The following TLK1 variants were observed in gnomAD, a reference collection of about 807,000 sequenced individuals.
TLK1 encodes serine/threonine-protein kinase tousled-like 1.
In TLK1, 24 loss-of-function variants were observed where a neutral mutation model predicts 105.3. That is an observed-to-expected ratio of 0.23 (90% confidence interval 0.17 to 0.32). The LOEUF (loss-of-function observed/expected upper bound fraction) is 0.32, where lower values mean the gene tolerates loss of function less well. Among genes scored for constraint, TLK1 ranks in the 10% least tolerant of loss-of-function variants. The probability of loss-of-function intolerance (pLI) is 1.00; values close to 1 mark genes in which losing one functional copy is unlikely to be tolerated. For synonymous variants in TLK1, 321 were observed against 310.4 expected, an observed-to-expected ratio of 1.03 and a Z score of -0.36; for missense variants, 558 against 910.5, an observed-to-expected ratio of 0.61 and a Z score of 4.98.
At chr2:171,180,825 T>C (rs1692915470) in intron 1 of TLK1, among the ~76,000 whole-genome samples, 1 of 88,690 alleles carries the variant, frequency 1.1e-5, no homozygotes, top group African/African-American at 8.1e-5. Flanking sequence ...AGAGGATGCT[T>C]TTTTTTTTTT....
At chr2:171,227,313 T>G (rs776182707) in intron 1 of TLK1, among the ~76,000 whole-genome samples, 3 of 151,256 alleles carry the variant, frequency 2.0e-5, no homozygotes, top group Non-Finnish European at 4.4e-5. Context: ...ATGAGAAACT[T>G]CCTCCAGTTT....
At chr2:171,132,436 A>T (rs915411879) in intron 1 of TLK1, among the ~76,000 whole-genome samples, 8 of 152,152 alleles carry the variant, frequency 5.3e-5, no homozygotes, top group African/African-American at 1.4e-4. Context: ...AGAAACTCAT[A>T]AAGTTACTTA....
In TLK1 at chr2:170,991,686, C is replaced by T. The variant is rs1469829442; in HGVS notation, c.*2094G>A. ...CTCTAGGTCTATACTACTTAACTTA[C>T]TGAACCTCAAAGTTAGATTTACACA... On this transcript the variant is annotated 3_prime_UTR_variant, in exon 21 of 21. Coordinates refer to ENST00000431350, the MANE Select transcript of TLK1 (RefSeq NM_012290.5). The T allele has an allele frequency of 2.0e-5, 3 of 152,294 alleles. No individual in the cohort carries two copies. The East Asian group carries it at 5.8e-4, about 29-fold the overall frequency. 9.4% of individuals were successfully genotyped at this position (152,294 alleles called of 1,614,324 possible).
intron 11 of TLK1, among the ~76,000 whole-genome samples, chr2:171,043,740 C>CT (rs1575545591): frequency 1.3e-5 from 2 of 151,214 alleles, no homozygotes; most frequent in South Asian, 2.1e-4. Flanking sequence ...ACATACTTTG[C>CT]TTTTTTTTTC....
chr2:171,159,984 G>A (rs1208400893), intron 1 of TLK1, among the ~76,000 whole-genome samples: 1 of 152,138 alleles, frequency 6.6e-6, no homozygotes, highest in East Asian at 1.9e-4. Flanking sequence ...CGCGTCTGGG[G>A]GGAGGCTTCC....
intron 2 of TLK1, among the ~76,000 whole-genome samples, chr2:171,091,098 C>G (rs527975969): frequency 2.0e-5 from 3 of 152,324 alleles, no homozygotes; most frequent in African/African-American, 7.2e-5. Context: ...CAAAGCCATA[C>G]TCATTTCATT....
intron 1 of TLK1, among the ~76,000 whole-genome samples, chr2:171,229,402 A>T (rs1273394299): frequency 1.3e-5 from 2 of 152,088 alleles, no homozygotes; most frequent in Non-Finnish European, 2.9e-5. Flanking sequence ...ACTTGCATTC[A>T]CATATTCAAC....
upstream of TLK1, among the ~76,000 whole-genome samples, chr2:171,163,955 AG>A (rs774911835): frequency 3.3e-5 from 5 of 152,156 alleles, no homozygotes; most frequent in Non-Finnish European, 5.9e-5. Flanking sequence ...CAAACTCCTG[AG>A]CTCAGGCAGT....
intron 1 of TLK1, among the ~76,000 whole-genome samples, chr2:171,222,146 C>T (rs1693820785): frequency 6.6e-6 from 1 of 152,168 alleles, no homozygotes; most frequent in Admixed American, 6.5e-5. Flanking sequence ...TGGCAACCTA[C>T]AAGCCAGCTA....
In TLK1 at chr2:170,992,681, T is replaced by A. The variant is rs1683833949; in HGVS notation, c.*1099A>T. 1.3e-5 allele frequency: 2 copies of A among 152,630 alleles called. No individual in the cohort carries two copies. Among genetic ancestry groups the A allele is most frequent in the South Asian group, 4.1e-4 (2 of 4,828 alleles). The allele number at this position is 152,630 out of a possible 1,614,324, so 9.5% of individuals were successfully genotyped here. On this transcript the variant is annotated 3_prime_UTR_variant, in exon 21 of 21. Transcript: ENST00000431350. ...TTTACATCTTGATTGTTAATGACTG[T>A]CTGCTTTTTAATATCTATGATGTAC... is the stretch of plus-strand genomic sequence containing the variant.
intron 1 of TLK1, among the ~76,000 whole-genome samples, chr2:171,203,979 G>T (rs751104064): frequency 3.3e-5 from 5 of 152,174 alleles, no homozygotes; most frequent in African/African-American, 4.8e-5. Context: ...TTGAACCGGT[G>T]GGGGGCAGAG....
intron 20 of TLK1, 63 bp downstream of exon 20, chr2:170,996,587 CTTG>C (rs1256139854): frequency 7.4e-7 from 1 of 1,355,210 alleles, no homozygotes; most frequent in Non-Finnish European, 1.0e-6. Context: ...AAGTACTTAC[CTTG>C]TTGTCAGCAC....
At chr2:171,000,664 A>G (rs1018783548) in intron 18 of TLK1, among the ~76,000 whole-genome samples, 1 of 152,128 alleles carries the variant, frequency 6.6e-6, no homozygotes, top group Admixed American at 6.5e-5. Context: ...TGACGGGGGA[A>G]GAGATGAAAG....
At chr2:171,179,497 TC>T (rs1381813977) in intron 1 of TLK1, among the ~76,000 whole-genome samples, 2 of 152,118 alleles carry the variant, frequency 1.3e-5, no homozygotes, top group African/African-American at 4.8e-5. Flanking sequence ...TTGCTATGAG[TC>T]TGACATTTAA....
chr2:171,051,949 A>T (rs1339555728), intron 8 of TLK1, among the ~76,000 whole-genome samples: 3 of 152,182 alleles, frequency 2.0e-5, no homozygotes, highest in Non-Finnish European at 4.4e-5. Flanking sequence ...CATACCCAAA[A>T]CCAATTTCAG....
At chr2:171,123,079 C>CAT (rs1690724166) in intron 1 of TLK1, among the ~76,000 whole-genome samples, 2 of 151,904 alleles carry the variant, frequency 1.3e-5, no homozygotes, top group Non-Finnish European at 1.5e-5. Context: ...CACACACACA[C>CAT]ACACACACTT....
chr2:171,101,805 A>G (rs1689705761), intron 2 of TLK1, among the ~76,000 whole-genome samples: 1 of 152,200 alleles, frequency 6.6e-6, no homozygotes, highest in Non-Finnish European at 1.5e-5. Flanking sequence ...AGGTTTTTTT[A>G]AAAAACACCC....
intron 1 of TLK1, among the ~76,000 whole-genome samples, chr2:171,215,356 C>T (rs1693693997): frequency 6.6e-6 from 1 of 152,192 alleles, no homozygotes; most frequent in African/African-American, 2.4e-5. Context: ...GTTTCCAACA[C>T]AAATACAGAA....
chr2:171,195,515 A>T (rs1426677052), intron 1 of TLK1, among the ~76,000 whole-genome samples: 4 of 151,880 alleles, frequency 2.6e-5, no homozygotes, highest in South Asian at 4.2e-4. Flanking sequence ...AAAAAAAAAA[A>T]AAAAAAACAT....
Sources: allele counts gnomAD v4.1 joint callset (sites outside exome capture counted in the v4.1 genomes callset), GRCh38; gene constraint gnomAD v4.1.1; transcripts MANE v1.5; gene names NCBI Gene and HGNC (gene_info 2026-07-23, HGNC 2026-07-21).